The following ZC3H12B variants were observed in gnomAD, a reference collection of about 807,000 sequenced individuals.
ZC3H12B encodes zinc finger CCCH-type containing 12B.
Under a neutral mutation model 43.9 loss-of-function variants are expected in ZC3H12B, and 7 were observed. The ratio of observed to expected loss-of-function variants is 0.16; its 90% CI spans 0.09 to 0.30. ZC3H12B has a LOEUF of 0.30. Ranked by LOEUF, ZC3H12B falls within the 10% of genes least tolerant of loss-of-function variation. The pLI is 1.00. For synonymous variants in ZC3H12B, 222 were observed against 241.7 expected (o/e 0.92, Z 0.76); for missense variants, 475 against 670.2 (o/e 0.71, Z 3.22).
At chrX:65,184,218 C>G in the ZC3H12B span, among the ~76,000 whole-genome samples, 3 of 111,550 alleles carry the variant, frequency 2.7e-5, no homozygotes, top group African/African-American at 6.5e-5. Flanking sequence ...TTGTTTATAT[C>G]TTGATAGCAG....
At chrX:65,047,704 A>G in the ZC3H12B span, among the ~76,000 whole-genome samples, 3 of 111,052 alleles carry the variant, frequency 2.7e-5, no homozygotes, top group Non-Finnish European at 5.7e-5. Context: ...CAAAAAATTC[A>G]TATTTCAATG....
chrX:65,053,929 T>G, the ZC3H12B span, among the ~76,000 whole-genome samples: 1 of 108,297 alleles, frequency 9.2e-6, no homozygotes, highest in African/African-American at 3.3e-5. Context: ...TCTGTTCATA[T>G]CCTTCACCCA....
the ZC3H12B span, among the ~76,000 whole-genome samples, chrX:65,308,732 G>T: frequency 9.0e-6 from 1 of 111,393 alleles, no homozygotes; most frequent in Admixed American, 9.5e-5. Flanking sequence ...GACCACATCG[G>T]TGGAAGTAAA....
At chrX:65,242,996 T>G in the ZC3H12B span, among the ~76,000 whole-genome samples, 2 of 111,946 alleles carry the variant, frequency 1.8e-5, no homozygotes, top group African/African-American at 6.5e-5. Flanking sequence ...ATAAAAGACT[T>G]AAATGTAAAA....
intron 1 of ZC3H12B, among the ~76,000 whole-genome samples, chrX:65,367,924 C>G (rs1267123145): frequency 1.8e-5 from 2 of 111,008 alleles, no homozygotes; most frequent in Non-Finnish European, 3.8e-5. Context: ...TAAAAGTAAT[C>G]TTTAAGGAAT....
intron 2 of ZC3H12B, among the ~76,000 whole-genome samples, chrX:65,393,410 G>A (rs1020416968): frequency 3.4e-4 from 38 of 110,796 alleles, no homozygotes; most frequent in African/African-American, 7.9e-4. Context: ...TTTAAGCACC[G>A]CATGCATTAG....
At chrX:65,373,897 A>ATATATATATATATAC (rs1215963583) in intron 2 of ZC3H12B, among the ~76,000 whole-genome samples, 25 of 27,349 alleles carry the variant, frequency 9.1e-4, no homozygotes, top group African/African-American at 4.1e-3. Flanking sequence ...GTATAGTAAT[A>ATATATATATATATAC]TATATATATA....
chrX:65,481,361 C>T (rs1193093720), intron 3 of ZC3H12B, among the ~76,000 whole-genome samples: 1 of 111,997 alleles, frequency 8.9e-6, no homozygotes, highest in African/African-American at 3.2e-5. Context: ...AGAATGTGAG[C>T]ACCTCACAGG....
At chrX:65,116,675 C>T in the ZC3H12B span, among the ~76,000 whole-genome samples, 3 of 110,278 alleles carry the variant, frequency 2.7e-5, no homozygotes, top group Non-Finnish European at 5.7e-5. Flanking sequence ...GTTAACTCGT[C>T]ATTTACATTA....
the ZC3H12B span, among the ~76,000 whole-genome samples, chrX:65,109,341 A>G: frequency 5.4e-5 from 6 of 111,751 alleles, no homozygotes; most frequent in African/African-American, 9.7e-5. Context: ...TCTCTTAGCC[A>G]TCATCCCCTA....
the ZC3H12B span, among the ~76,000 whole-genome samples, chrX:65,306,675 C>A: frequency 9.0e-6 from 1 of 111,596 alleles, no homozygotes; most frequent in African/African-American, 3.3e-5. Context: ...GCGCCCCGCT[C>A]AATCTTAAAT....
At chrX:65,169,289 G>A in the ZC3H12B span, among the ~76,000 whole-genome samples, 3 of 111,970 alleles carry the variant, frequency 2.7e-5, no homozygotes, top group African/African-American at 9.7e-5. Context: ...ATTTGATTAT[G>A]TACCCCGTAG....
At chrX:65,110,500 C>T in the ZC3H12B span, among the ~76,000 whole-genome samples, 1,379 of 109,385 alleles carry the variant, frequency 0.013, 5 homozygotes, top group Middle Eastern at 0.032. Flanking sequence ...AGGTTTATTA[C>T]CTATGGATGC....
At chrX:65,107,762 C>A in the ZC3H12B span, among the ~76,000 whole-genome samples, 1 of 111,085 alleles carries the variant, frequency 9.0e-6, no homozygotes, top group South Asian at 3.8e-4. Flanking sequence ...ATGTGAAGGA[C>A]ATGTTTGCCT....
chrX:65,144,955 T>C, the ZC3H12B span, among the ~76,000 whole-genome samples: 1 of 112,130 alleles, frequency 8.9e-6, no homozygotes. Context: ...AGTTGTTGAA[T>C]ACAATGTTCT....
chrX:65,501,390 G>A (rs1216616293), intron 4 of ZC3H12B, among the ~76,000 whole-genome samples: 2 of 108,767 alleles, frequency 1.8e-5, no homozygotes, highest in African/African-American at 6.7e-5. Context: ...AGCTGGGACT[G>A]CAGACGTGCA....
the ZC3H12B span, among the ~76,000 whole-genome samples, chrX:65,338,800 A>G: frequency 4.5e-5 from 5 of 112,275 alleles, no homozygotes. Context: ...AAAATCTTTC[A>G]ATAAAATCCA....
chrX:65,429,153 T>C (rs2067119249), intron 3 of ZC3H12B, among the ~76,000 whole-genome samples: 1 of 112,255 alleles, frequency 8.9e-6, no homozygotes. Context: ...AGGAGGTTAC[T>C]GCCCTATTGC....
chrX:65,260,034 G>A, the ZC3H12B span, among the ~76,000 whole-genome samples: 8 of 111,206 alleles, frequency 7.2e-5, no homozygotes, highest in Non-Finnish European at 1.3e-4. Flanking sequence ...GGATGCAAAG[G>A]CATAAGAATG....
Sources: allele counts gnomAD v4.1 joint callset (sites outside exome capture counted in the v4.1 genomes callset), GRCh38; gene constraint gnomAD v4.1.1; transcripts MANE v1.5; gene names NCBI Gene and HGNC (gene_info 2026-07-23, HGNC 2026-07-21).